ATP8A1: variants seen among roughly 807,000 people sequenced by gnomAD.
ATP8A1 encodes the protein ATPase phospholipid transporting 8A1, also known as phospholipid-transporting ATPase IA.
Under a neutral mutation model 177.7 loss-of-function variants are expected in ATP8A1, and 90 were observed. The observed-to-expected ratio is 0.51, with a 90% CI of 0.43 to 0.60. ATP8A1 has a LOEUF of 0.60. ATP8A1 is among the 20% of genes least tolerant of loss of function. The pLI is 0.00. For synonymous variants in ATP8A1, 493 were observed against 485.9 expected (o/e 1.01, Z -0.19); for missense variants, 1,072 against 1,392.8 (o/e 0.77, Z 3.67).
At chr4:42,646,024 C>A (rs115229687) in intron 1 of ATP8A1, among the ~76,000 whole-genome samples, 7 of 152,116 alleles carry the variant, frequency 4.6e-5, no homozygotes, top group African/African-American at 1.7e-4. Flanking sequence ...AATGGTGGAG[C>A]GACAGATCCA....
intron 15 of ATP8A1, chr4:42,562,177 C>T (rs778936191): frequency 6.6e-6 from 1 of 152,266 alleles, no homozygotes; most frequent in Non-Finnish European, 1.5e-5. Context: ...GCCATTGACA[C>T]ATGCTCTGTG....
At chr4:42,581,964 T>A (rs1366738962) in intron 9 of ATP8A1, among the ~76,000 whole-genome samples, 1 of 152,204 alleles carries the variant, frequency 6.6e-6, no homozygotes, top group Non-Finnish European at 1.5e-5. Flanking sequence ...CTATCTGGTA[T>A]GGACTGCACT....
chr4:42,627,099 CT>C lies in ATP8A1; in HGVS notation c.59del (p.Lys20ArgfsTer17), dbSNP rs1738188138. 6.2e-7 allele frequency: 1 copy of C among 1,612,216 alleles called. No individual in the cohort carries two copies. Among genetic ancestry groups the C allele is most frequent in the Non-Finnish European group, 8.5e-7 (1 of 1,178,486 alleles). ...AGGTCTTCTCTGAAACATCATCTGT[CT>C]TCTCATAACCTTAAAAAGAGATCTT... ...EIRSRAEGYE[K>X]TDDVSEKTSL... On this transcript the variant is annotated frameshift_variant, in exon 2 of 37. Transcript: ENST00000381668. LOFTEE classifies it high-confidence loss of function.
intron 25 of ATP8A1, among the ~76,000 whole-genome samples, chr4:42,485,147 TC>T (rs1463760862): frequency 1.3e-5 from 2 of 152,102 alleles, no homozygotes; most frequent in Non-Finnish European, 2.9e-5. Flanking sequence ...ATCATGCTAT[TC>T]CCCCAAAATA....
At chr4:42,624,755 C>A in intron 3 of ATP8A1, 121 bp from the exon 4 acceptor site, 1 of 478,476 alleles carries the variant, frequency 2.1e-6, no homozygotes. Flanking sequence ...TCTTGGCCGA[C>A]TAATGCTGAG....
chr4:42,429,269 T>C (rs1714986695), intron 33 of ATP8A1, among the ~76,000 whole-genome samples: 1 of 152,142 alleles, frequency 6.6e-6, no homozygotes, highest in Non-Finnish European at 1.5e-5. Context: ...TGTTGAAGGT[T>C]GACGAGTGTG....
intron 1 of ATP8A1, among the ~76,000 whole-genome samples, chr4:42,643,932 T>G (rs921722043): frequency 6.6e-5 from 10 of 152,108 alleles, no homozygotes; most frequent in Admixed American, 6.5e-4. Context: ...GGCATTAGCT[T>G]AGGATGTTAA....
rs144540327 is a variant in ATP8A1, at chr4:42,600,547, C to T, written c.410-29G>A. ...GAAAGAGAAAAGGTGACATTTTAAACAACATGTTTTACTATGAAAAGGCCA... is the reference window on the plus strand; with the variant it reads ...GAAAGAGAAAAGGTGACATTTTAAATAACATGTTTTACTATGAAAAGGCCA... On this transcript the variant is annotated intron_variant, in intron 5 of 36. Transcript: ENST00000381668. 3.2e-5 allele frequency: 51 copies of T among 1,599,704 alleles called. 1 individual carries two copies. In the Middle Eastern group the frequency reaches 1.2e-3, roughly 37 times the overall value.
At chr4:42,625,770 T>A in intron 2 of ATP8A1, 57 bp from the exon 3 acceptor site, 1 of 1,057,602 alleles carries the variant, frequency 9.5e-7, no homozygotes, top group Non-Finnish European at 1.4e-6. Context: ...CACCCACACT[T>A]ACAAAGTTCT....
intron 18 of ATP8A1, among the ~76,000 whole-genome samples, chr4:42,549,849 T>A (rs1403921321): frequency 6.6e-6 from 1 of 151,852 alleles, no homozygotes; most frequent in Non-Finnish European, 1.5e-5. Context: ...AACAAAAAAA[T>A]AATTACCAAA....
At chr4:42,468,173 T>G (rs1012804660) in intron 25 of ATP8A1, among the ~76,000 whole-genome samples, 1 of 152,148 alleles carries the variant, frequency 6.6e-6, no homozygotes, top group Non-Finnish European at 1.5e-5. Flanking sequence ...GTGTGGAGAT[T>G]CCTTAAAGAA....
rs1414440478 is a variant in ATP8A1, at chr4:42,412,726, A to G, written c.*190T>C. 4.7e-5 allele frequency: 22 copies of G among 470,958 alleles called. No homozygotes were observed. The highest frequency in any genetic ancestry group is 2.2e-5 in the Non-Finnish European group (6 of 266,766). The allele number at this position is 470,958 out of a possible 1,614,324, so 29.2% of individuals were successfully genotyped here. On this transcript the variant is annotated 3_prime_UTR_variant, in exon 37 of 37. Coordinates refer to ENST00000381668, the MANE Select transcript of ATP8A1 (RefSeq NM_006095.2). ...AATACCTTAAAAAAATCCAAAAGAG[A>G]TGGTGTTACAGTACAGTTGCACAGT... is the stretch of plus-strand genomic sequence containing the variant.
chr4:42,449,568 A>C (rs1717713181), intron 30 of ATP8A1, among the ~76,000 whole-genome samples: 1 of 152,244 alleles, frequency 6.6e-6, no homozygotes, highest in South Asian at 2.1e-4. Context: ...AAATCAAAAA[A>C]CAAAAGAACC....
At chr4:42,639,022 T>C (rs1739666170) in intron 1 of ATP8A1, among the ~76,000 whole-genome samples, 1 of 152,148 alleles carries the variant, frequency 6.6e-6, no homozygotes, top group Admixed American at 6.5e-5. Context: ...CAGATATGTA[T>C]TCTGGATTTC....
In ATP8A1 at chr4:42,637,148, C is replaced by T. The variant is rs376725336; in HGVS notation, c.50-10039G>A. On this transcript the variant is annotated intron_variant, in intron 1 of 36. Coordinates refer to ENST00000381668, the MANE Select transcript of ATP8A1 (RefSeq NM_006095.2). ...TAAGCCCTGTTCCCTGTACCTCAAC[C>T]GCTAGCTGGCTTTTCTGATCAACAT... The T allele has an allele frequency of 1.6e-4, 84 of 518,974 alleles. 1 individual carries two copies. Among genetic ancestry groups the T allele is most frequent in the South Asian group, 3.2e-4 (23 of 71,590 alleles). The allele number at this position is 518,974 out of a possible 1,614,324, so 32.1% of individuals were successfully genotyped here. A position where few individuals can be genotyped will look rare whatever the true frequency, so the allele number is the denominator to read the frequency against.
At chr4:42,476,343 T>G (rs970021280) in intron 25 of ATP8A1, among the ~76,000 whole-genome samples, 1 of 152,106 alleles carries the variant, frequency 6.6e-6, no homozygotes, top group Non-Finnish European at 1.5e-5. Context: ...CGGGGTGCAG[T>G]GGGTCATGCC....
At chr4:42,507,780 T>A (rs1395190283) in intron 22 of ATP8A1, among the ~76,000 whole-genome samples, 231 of 17,648 alleles carry the variant, frequency 0.013, no homozygotes, top group Middle Eastern at 0.045. Context: ...ACAGGCATTC[T>A]AAAAAAAAAA....
At chr4:42,491,626 T>C (rs1160103851) in intron 24 of ATP8A1, among the ~76,000 whole-genome samples, 2 of 152,164 alleles carry the variant, frequency 1.3e-5, no homozygotes, top group African/African-American at 4.8e-5. Flanking sequence ...CTGATTTGTT[T>C]GGAAAGTATC....
At chr4:42,578,139 A>G in intron 12 of ATP8A1, 121 bp downstream of exon 12, 1 of 972,116 alleles carries the variant, frequency 1.0e-6, no homozygotes, top group Non-Finnish European at 1.4e-6. Flanking sequence ...TAGGTTCAAA[A>G]ATCTGATACT....
Sources: allele counts gnomAD v4.1 joint callset (sites outside exome capture counted in the v4.1 genomes callset), GRCh38; gene constraint gnomAD v4.1.1; transcripts MANE v1.5; gene names NCBI Gene and HGNC (gene_info 2026-07-23, HGNC 2026-07-21).